Variants in KLF8 observed in about 807,000 individuals in gnomAD.
The protein encoded by KLF8 is KLF transcription factor 8.
KLF8 carries 10 observed loss-of-function variants against 18.2 expected under a neutral mutation model. The observed-to-expected ratio is 0.55, with a 90% CI of 0.34 to 0.93. The LOEUF is 0.93. Among genes scored for constraint, KLF8 ranks in the 40% least tolerant of loss-of-function variants. The pLI is 0.02. For missense variants in KLF8, 264 were observed against 277.9 expected (o/e 0.95, Z 0.36); for synonymous variants, 109 against 97.3 (o/e 1.12, Z -0.71).
chrX:55,990,539 G>A, the KLF8 span, among the ~76,000 whole-genome samples: 1 of 112,061 alleles, frequency 8.9e-6, no homozygotes, highest in African/African-American at 3.2e-5. Context: ...CTCACTGCTG[G>A]TGAGGAGTTG....
the KLF8 span, among the ~76,000 whole-genome samples, chrX:55,995,135 AC>A: frequency 9.0e-6 from 1 of 111,327 alleles, no homozygotes; most frequent in Non-Finnish European, 1.9e-5. Flanking sequence ...GTTGAATGGA[AC>A]CCTTTACCTT....
At chrX:55,971,999 T>G in the KLF8 span, among the ~76,000 whole-genome samples, 692 of 110,173 alleles carry the variant, frequency 6.3e-3, 1 homozygote, top group Admixed American at 9.4e-3. Flanking sequence ...ACCATTTGGT[T>G]CTCCATAAAA....
the KLF8 span, among the ~76,000 whole-genome samples, chrX:56,105,208 G>T: frequency 2.7e-5 from 3 of 111,791 alleles, no homozygotes; most frequent in Non-Finnish European, 5.6e-5. Flanking sequence ...GGGGTGGAGA[G>T]TTCTATAGAT....
At chrX:56,027,448 C>T in the KLF8 span, among the ~76,000 whole-genome samples, 4 of 111,963 alleles carry the variant, frequency 3.6e-5, no homozygotes, top group African/African-American at 6.5e-5. Flanking sequence ...TTTAACAGGC[C>T]TTTTTCTTTA....
At chrX:56,040,285 G>A in the KLF8 span, among the ~76,000 whole-genome samples, 1 of 111,501 alleles carries the variant, frequency 9.0e-6, no homozygotes, top group Non-Finnish European at 1.9e-5. Flanking sequence ...GTGGGAGAGG[G>A]CATCCTTTTC....
the KLF8 span, among the ~76,000 whole-genome samples, chrX:55,910,423 G>T: frequency 9.0e-5 from 10 of 111,135 alleles, no homozygotes; most frequent in Admixed American, 8.6e-4. Flanking sequence ...GAATTGGGGT[G>T]ATTTTAAAGA....
the KLF8 span, among the ~76,000 whole-genome samples, chrX:56,159,542 T>C: frequency 8.9e-6 from 1 of 112,240 alleles, no homozygotes; most frequent in African/African-American, 3.2e-5. Flanking sequence ...TGGTAAGCTA[T>C]TAACTATTGC....
At chrX:56,160,790 C>G in the KLF8 span, among the ~76,000 whole-genome samples, 1 of 111,177 alleles carries the variant, frequency 9.0e-6, no homozygotes, top group Non-Finnish European at 1.9e-5. Flanking sequence ...TGTCTCTGCG[C>G]GTGAGATGGG....
chrX:55,987,197 T>A, the KLF8 span, among the ~76,000 whole-genome samples: 1 of 110,520 alleles, frequency 9.0e-6, no homozygotes, highest in Non-Finnish European at 1.9e-5. Context: ...TTTTTTCATT[T>A]TAATTTTATT....
chrX:56,100,270 C>A, the KLF8 span, among the ~76,000 whole-genome samples: 1 of 110,836 alleles, frequency 9.0e-6, no homozygotes, highest in Non-Finnish European at 1.9e-5. Flanking sequence ...ATATTTTAAG[C>A]CCACAATTGA....
the KLF8 span, among the ~76,000 whole-genome samples, chrX:56,101,667 T>C: frequency 8.9e-6 from 1 of 112,223 alleles, no homozygotes; most frequent in African/African-American, 3.2e-5. Context: ...CTCTGGTATC[T>C]TGCTGTTTTG....
the KLF8 span, among the ~76,000 whole-genome samples, chrX:56,104,250 C>G: frequency 5.4e-5 from 6 of 111,701 alleles, no homozygotes; most frequent in Non-Finnish European, 9.4e-5. Flanking sequence ...GGAGGATTCC[C>G]TCTTTTTCTA....
the KLF8 span, among the ~76,000 whole-genome samples, chrX:56,156,001 C>T: frequency 9.0e-6 from 1 of 111,064 alleles, no homozygotes; most frequent in Non-Finnish European, 1.9e-5. Context: ...ATTTTTATGG[C>T]TGCATTGTAT....
chrX:56,079,475 G>A, the KLF8 span, among the ~76,000 whole-genome samples: 64 of 111,833 alleles, frequency 5.7e-4, no homozygotes, highest in East Asian at 2.5e-3. Context: ...TTAATCCTGA[G>A]TTCTAGTTTG....
the KLF8 span, among the ~76,000 whole-genome samples, chrX:56,155,510 C>T: frequency 5.4e-5 from 6 of 110,279 alleles, no homozygotes; most frequent in African/African-American, 1.3e-4. Context: ...ATGTAAATGA[C>T]GAGTTAATGG....
At chrX:56,164,729 C>CTTTTTTTTTTTTTTTTTTTTCT in the KLF8 span, among the ~76,000 whole-genome samples, 2 of 51,920 alleles carry the variant, frequency 3.9e-5, no homozygotes, top group African/African-American at 8.6e-5. Flanking sequence ...CTTGTTATCT[C>CTTTTTTTTTTTTTTTTTTTTCT]TTTTTTTTTT....
chrX:56,058,593 A>T, the KLF8 span, among the ~76,000 whole-genome samples: 16 of 106,262 alleles, frequency 1.5e-4, no homozygotes, highest in Admixed American at 3.1e-4. Context: ...ACAAGTAAGA[A>T]CATGTGGGGT....
At chrX:56,095,045 G>A in the KLF8 span, among the ~76,000 whole-genome samples, 2 of 111,103 alleles carry the variant, frequency 1.8e-5, no homozygotes, top group African/African-American at 6.5e-5. Flanking sequence ...AATAGCCAAA[G>A]CAATCTTGAG....
chrX:55,930,771 G>C, the KLF8 span, among the ~76,000 whole-genome samples: 8 of 111,450 alleles, frequency 7.2e-5, no homozygotes, highest in Admixed American at 7.6e-4. Context: ...TGATGTGCTG[G>C]TGGATTTCGC....
Sources: allele counts gnomAD v4.1 joint callset (sites outside exome capture counted in the v4.1 genomes callset), GRCh38; gene constraint gnomAD v4.1.1; transcripts MANE v1.5; gene names NCBI Gene and HGNC (gene_info 2026-07-23, HGNC 2026-07-21).